EEA1: variants seen among roughly 807,000 people sequenced by gnomAD.
EEA1 encodes the protein early endosome antigen 1.
In EEA1, 111 loss-of-function variants were observed where a neutral mutation model predicts 209.2. That is an observed-to-expected ratio of 0.53 (90% confidence interval 0.45 to 0.62). EEA1 has a LOEUF of 0.62. EEA1 is among the 20% of genes least tolerant of loss of function. The probability of loss-of-function intolerance (pLI) is 0.00; values close to 1 mark genes in which losing one functional copy is unlikely to be tolerated. For synonymous variants in EEA1, 536 were observed against 540.6 expected (o/e 0.99, Z 0.12); for missense variants, 1,343 against 1,530.8 (o/e 0.88, Z 2.05).
Position 92,770,756 on chromosome 12 carries a change from C to T in EEA1, c.*5255G>A, listed in dbSNP as rs1004631423. The T allele has an allele frequency of 2.0e-5, 3 of 152,074 alleles. No individual in the cohort carries two copies. The highest frequency in any genetic ancestry group is 7.3e-5 in the African/African-American group (3 of 41,378). The allele number at this position is 152,074 out of a possible 1,614,324, so 9.4% of individuals were successfully genotyped here. On this transcript the variant is annotated 3_prime_UTR_variant, in exon 29 of 29. Coordinates refer to ENST00000322349, the MANE Select transcript of EEA1 (RefSeq NM_003566.4). ...CAGTTTTAAAATTCCTATTCTCAAA[C>T]TCATCTCAGGTATATAGTACTCTAA...
chr12:92,824,521 C>T (rs1360887708), intron 13 of EEA1, among the ~76,000 whole-genome samples: 1 of 152,174 alleles, frequency 6.6e-6, no homozygotes, highest in African/African-American at 2.4e-5. Context: ...TATGACCTGC[C>T]CTTTTTAACT....
At chr12:92,871,973 G>A (rs867037755) in intron 2 of EEA1, among the ~76,000 whole-genome samples, 13 of 152,016 alleles carry the variant, frequency 8.6e-5, no homozygotes, top group Non-Finnish European at 1.5e-5. Context: ...CTCCGCCTCC[G>A]GGGTTCAAGG....
In EEA1 at chr12:92,851,130, G is replaced by C; in HGVS notation, c.779C>G (p.Ser260Ter). The C allele has an allele frequency of 1.9e-6, 3 of 1,613,590 alleles. No homozygotes were observed. Among genetic ancestry groups the C allele is most frequent in the Non-Finnish European group, 2.5e-6 (3 of 1,179,862 alleles). ...KLKDECKKLQ[S>*]QYASSEATIS... ...CATTACCTCTGAGCTAGCATATTGT[G>C]ACTGCAATTTTTTGCATTCATCTTT... The change falls in exon 9 of 29, where the codon TCA becomes TGA. Residue 260 changes from serine (S) to a stop codon, truncating the protein, a stop_gained. Coordinates refer to ENST00000322349, the MANE Select transcript of EEA1 (RefSeq NM_003566.4). LOFTEE classifies it high-confidence loss of function.
At chr12:92,883,492 T>C (rs1879248168) in intron 2 of EEA1, among the ~76,000 whole-genome samples, 1 of 152,172 alleles carries the variant, frequency 6.6e-6, no homozygotes, top group Non-Finnish European at 1.5e-5. Flanking sequence ...CCGACACTAA[T>C]GTCCAGAATG....
At chr12:92,878,641 TAAATATA>T (rs1175892804) in intron 2 of EEA1, among the ~76,000 whole-genome samples, 1 of 151,832 alleles carries the variant, frequency 6.6e-6, no homozygotes, top group Non-Finnish European at 1.5e-5. Flanking sequence ...TGGAGGAAAT[TAAATATA>T]AAAGCAGAAA....
At chr12:92,815,313 C>T (rs1875727906) in intron 15 of EEA1, among the ~76,000 whole-genome samples, 1 of 152,170 alleles carries the variant, frequency 6.6e-6, no homozygotes, top group South Asian at 2.1e-4. Flanking sequence ...CAGAAAGAAT[C>T]ACAGACTGCC....
chr12:92,914,000 T>C (rs775651452), intron 1 of EEA1, among the ~76,000 whole-genome samples: 5 of 152,236 alleles, frequency 3.3e-5, no homozygotes, highest in Admixed American at 6.5e-5. Flanking sequence ...ATTTGAGTTA[T>C]CTTTCGTATA....
In EEA1 at chr12:92,789,779, C is replaced by A. The variant is rs1212580309; in HGVS notation, c.2968-1730G>T. ...CTGAAGAGAGCAGTGGTTCTCCCAG[C>A]ATGGCGTTTGAGCTCTGAGAACGGA... On this transcript the variant is annotated intron_variant, in intron 21 of 28. Coordinates refer to ENST00000322349, the MANE Select transcript of EEA1 (RefSeq NM_003566.4). 2.0e-5 allele frequency among the ~76,000 whole-genome samples: 3 copies of A among 152,216 alleles called. 1 individual carries two copies. In the East Asian group the frequency reaches 5.8e-4, roughly 29 times the overall value.
chr12:92,834,546 T>TA (rs5800089), intron 10 of EEA1, among the ~76,000 whole-genome samples: 12,363 of 74,430 alleles, frequency 0.17, 1,695 homozygotes, highest in African/African-American at 0.27. Context: ...ACCCTGTCAC[T>TA]AAAAAAAAAA....
At chr12:92,854,019 C>A in intron 5 of EEA1, 65 bp from the exon 6 acceptor site, 1 of 1,261,018 alleles carries the variant, frequency 7.9e-7, no homozygotes, top group South Asian at 1.6e-5. Flanking sequence ...TTAAAATGGT[C>A]AATGTTAAAA....
chr12:92,838,339 A>G (rs1317695054), intron 10 of EEA1, among the ~76,000 whole-genome samples: 1 of 152,198 alleles, frequency 6.6e-6, no homozygotes, highest in African/African-American at 2.4e-5. Flanking sequence ...AGAAACACAT[A>G]ATAACACTGA....
chr12:92,822,250 T>C (rs1876094440), intron 13 of EEA1, among the ~76,000 whole-genome samples: 1 of 152,128 alleles, frequency 6.6e-6, no homozygotes, highest in Non-Finnish European at 1.5e-5. Context: ...AGGTCTCTCG[T>C]ATTCTCAAAA....
chr12:92,776,684 C>T (rs1873668954), intron 28 of EEA1, among the ~76,000 whole-genome samples, 160 bp downstream of exon 28: 1 of 151,828 alleles, frequency 6.6e-6, no homozygotes, highest in Admixed American at 6.6e-5. Flanking sequence ...ATATGCTAAC[C>T]AAAAGCTAGA....
chr12:92,780,377 G>C lies in EEA1; in HGVS notation c.3371C>G (p.Ser1124Cys), dbSNP rs764336443. ...AATTTCTTCTATCTCTGCCAATTTA[G>C]ACTTCTCATTTACCAGTTCTTTTTC... ...LKEKELVNEK[S>C]KLAEIEEIKC... The change falls in exon 24 of 29, where the codon TCT (serine) becomes TGT (cysteine). Residue 1124 changes from serine to cysteine, a missense_variant. Ser to Cys is a moderately radical substitution (Grantham distance 112, BLOSUM62 -1). Coordinates refer to ENST00000322349, the MANE Select transcript of EEA1 (RefSeq NM_003566.4). 2 of 1,576,578 alleles carry C rather than the reference G, an allele frequency of 1.3e-6. No homozygotes were observed. The highest frequency in any genetic ancestry group is 3.6e-5 in the Admixed American group (2 of 55,844).
At chr12:92,859,043 C>A in intron 3 of EEA1, 1 of 704,206 alleles carries the variant, frequency 1.4e-6, no homozygotes, top group South Asian at 1.8e-5. Context: ...GTTCAGGTCT[C>A]TTATTCTATT....
Position 92,775,800 on chromosome 12 carries a change from G to T in EEA1, c.*211C>A. The T allele has an allele frequency of 2.5e-6, 1 of 399,988 alleles. No individual in the cohort carries two copies. Among genetic ancestry groups the T allele is most frequent in the Non-Finnish European group, 4.3e-6 (1 of 232,736 alleles). The allele number at this position is 399,988 out of a possible 1,614,324, so 24.8% of individuals were successfully genotyped here. A position where few individuals can be genotyped will look rare whatever the true frequency, so the allele number is the denominator to read the frequency against. On this transcript the variant is annotated 3_prime_UTR_variant, in exon 29 of 29. Coordinates refer to ENST00000322349, the MANE Select transcript of EEA1 (RefSeq NM_003566.4). ...ATGAAAGCTATTCCAGGGGCTAAAT[G>T]GGAAAAAAGTAATGAAAGATGATAA...
At chr12:92,839,908 T>G (rs1252636560) in intron 10 of EEA1, among the ~76,000 whole-genome samples, 1 of 152,102 alleles carries the variant, frequency 6.6e-6, no homozygotes, top group Non-Finnish European at 1.5e-5. Flanking sequence ...TTATATCATA[T>G]AGTTTTTGAG....
At chr12:92,780,123 C>G (rs1873840492) in intron 24 of EEA1, among the ~76,000 whole-genome samples, 157 bp downstream of exon 24, 1 of 152,052 alleles carries the variant, frequency 6.6e-6, no homozygotes, top group Admixed American at 6.5e-5. Context: ...TTATGCAATA[C>G]AAAAGCACTC....
intron 18 of EEA1, among the ~76,000 whole-genome samples, chr12:92,804,820 A>G (rs1875115965): frequency 6.6e-6 from 1 of 152,130 alleles, no homozygotes; most frequent in Non-Finnish European, 1.5e-5. Flanking sequence ...CCCTGGGCTC[A>G]TGGGTGGGGT....
Sources: allele counts gnomAD v4.1 joint callset (sites outside exome capture counted in the v4.1 genomes callset), GRCh38; gene constraint gnomAD v4.1.1; transcripts MANE v1.5; gene names NCBI Gene and HGNC (gene_info 2026-07-23, HGNC 2026-07-21).